FOXP2: variants seen among roughly 807,000 people sequenced by gnomAD.
FOXP2 encodes forkhead box protein P2.
FOXP2 carries 12 observed loss-of-function variants against 115.8 expected under a neutral mutation model. That is an observed-to-expected ratio of 0.10 (90% CI 0.07 to 0.17). The LOEUF is 0.17. FOXP2 is among the 10% of genes least tolerant of loss of function. The pLI, the probability that FOXP2 is intolerant of heterozygous loss-of-function variation, is 1.00. For missense variants in FOXP2, 629 were observed against 843.5 expected (o/e 0.75, Z 3.15); for synonymous variants, 328 against 297.7 (o/e 1.10, Z -1.05).
intron 1 of FOXP2, among the ~76,000 whole-genome samples, chr7:114,278,360 A>C (rs1705971880): frequency 6.6e-6 from 1 of 151,578 alleles, no homozygotes; most frequent in South Asian, 2.1e-4. Flanking sequence ...GTGTTGTTTT[A>C]CTTTTTTTTT....
chr7:114,231,851 G>A (rs573867595), intron 1 of FOXP2, among the ~76,000 whole-genome samples: 1 of 152,188 alleles, frequency 6.6e-6, no homozygotes, highest in African/African-American at 2.4e-5. Flanking sequence ...GGCAACAAAA[G>A]CACACATAGA....
chr7:114,302,917 C>A (rs940482881), intron 2 of FOXP2, among the ~76,000 whole-genome samples: 3 of 152,004 alleles, frequency 2.0e-5, no homozygotes, highest in Non-Finnish European at 4.4e-5. Flanking sequence ...TCCTACAAAT[C>A]CAGGAATGAA....
At position 114,525,699 on chromosome 7, in the gene FOXP2, A is replaced by G. The variant is rs114021532; in HGVS notation, c.169-8918A>G. On this transcript the variant is annotated intron_variant, in intron 2 of 16. Transcript: ENST00000350908. ...TTTCCTACCTCTGCATGTCAAAGTC[A>G]CCTGTCCTCCCATCTCTTCAGCCTG... 3.4e-3 allele frequency among the ~76,000 whole-genome samples: 510 copies of G among 152,146 alleles called. 1 individual carries two copies. The highest frequency in any genetic ancestry group is 0.012 in the African/African-American group (483 of 41,498).
chr7:114,336,578 C>A (rs749983316), intron 2 of FOXP2, among the ~76,000 whole-genome samples: 2 of 151,406 alleles, frequency 1.3e-5, no homozygotes, highest in African/African-American at 2.4e-5. Flanking sequence ...ATTTCTTGCA[C>A]CCTAGTTTCA....
At chr7:114,554,587 TTTAAG>T (rs1227154368) in intron 3 of FOXP2, among the ~76,000 whole-genome samples, 1 of 152,146 alleles carries the variant, frequency 6.6e-6, no homozygotes, top group African/African-American at 2.4e-5. Context: ...TTTTTGAAAA[TTTAAG>T]TTGATTCTGG....
At chr7:114,476,475 C>G (rs1013768177) in intron 2 of FOXP2, among the ~76,000 whole-genome samples, 2 of 151,934 alleles carry the variant, frequency 1.3e-5, no homozygotes, top group Admixed American at 6.6e-5. Flanking sequence ...TTCTATTGTT[C>G]TACGTGTCTG....
intron 1 of FOXP2, among the ~76,000 whole-genome samples, chr7:114,250,919 T>C (rs1037735807): frequency 1.3e-5 from 2 of 152,344 alleles, no homozygotes; most frequent in Admixed American, 6.5e-5. Flanking sequence ...TCTAGGGTTT[T>C]TATGGTTTTA....
intron 3 of FOXP2, among the ~76,000 whole-genome samples, chr7:114,614,570 G>A (rs768190482): frequency 1.3e-5 from 2 of 151,886 alleles, no homozygotes; most frequent in Non-Finnish European, 2.9e-5. Context: ...TAGGTGGACC[G>A]CACCTCCTTC....
intron 2 of FOXP2, among the ~76,000 whole-genome samples, chr7:114,399,584 A>G (rs1305163643): frequency 6.6e-6 from 1 of 152,148 alleles, no homozygotes; most frequent in African/African-American, 2.4e-5. Flanking sequence ...TTGAATGTTA[A>G]TTATGTGCTT....
intron 2 of FOXP2, among the ~76,000 whole-genome samples, chr7:114,379,737 T>C (rs888839770): frequency 1.3e-5 from 2 of 152,098 alleles, no homozygotes; most frequent in African/African-American, 4.8e-5. Context: ...GTGTAGGGGA[T>C]TATTTCTTTG....
intron 2 of FOXP2, among the ~76,000 whole-genome samples, chr7:114,364,887 A>C (rs1210085492): frequency 6.6e-6 from 1 of 152,144 alleles, no homozygotes; most frequent in East Asian, 1.9e-4. Context: ...TTTGGGTAAA[A>C]GAGTAAATTT....
At chr7:114,658,500 A>C (rs1269694080) in intron 11 of FOXP2, among the ~76,000 whole-genome samples, 3 of 152,180 alleles carry the variant, frequency 2.0e-5, no homozygotes, top group Non-Finnish European at 4.4e-5. Context: ...AGACACTGAG[A>C]GATGTCAGGA....
chr7:114,394,091 A>T (rs890593183), intron 2 of FOXP2, among the ~76,000 whole-genome samples: 1 of 151,934 alleles, frequency 6.6e-6, no homozygotes, highest in African/African-American at 2.4e-5. Context: ...CAATTAGCAC[A>T]CCTAGGACCC....
intron 1 of FOXP2, among the ~76,000 whole-genome samples, chr7:114,127,807 G>T (rs1280984441): frequency 1.3e-5 from 2 of 152,128 alleles, no homozygotes; most frequent in African/African-American, 4.8e-5. Flanking sequence ...TAAAGTCACA[G>T]CTTCTTCCAC....
upstream of FOXP2, among the ~76,000 whole-genome samples, chr7:114,414,081 C>T (rs1297429248): frequency 2.0e-5 from 3 of 152,048 alleles, no homozygotes; most frequent in African/African-American, 7.2e-5. Context: ...TGCAAATAAA[C>T]CTTTGATTTA....
At chr7:114,586,992 C>T (rs988622984) in intron 3 of FOXP2, among the ~76,000 whole-genome samples, 5 of 151,830 alleles carry the variant, frequency 3.3e-5, no homozygotes, top group African/African-American at 1.2e-4. Flanking sequence ...GCCAAATTAA[C>T]CAATACTATT....
intron 1 of FOXP2, among the ~76,000 whole-genome samples, chr7:114,142,270 C>A (rs1792238409): frequency 6.6e-6 from 1 of 152,174 alleles, no homozygotes; most frequent in Admixed American, 6.5e-5. Flanking sequence ...GATCCACCCG[C>A]CTTGGCCTCC....
upstream of FOXP2, among the ~76,000 whole-genome samples, chr7:114,413,069 TA>T (rs1793204338): frequency 6.6e-6 from 1 of 152,154 alleles, no homozygotes; most frequent in Non-Finnish European, 1.5e-5. Context: ...TCTAGGTTGA[TA>T]AGGCACTATT....
chr7:114,127,814 C>T (rs1370500590), intron 1 of FOXP2, among the ~76,000 whole-genome samples: 1 of 152,182 alleles, frequency 6.6e-6, no homozygotes, highest in African/African-American at 2.4e-5. Flanking sequence ...ACAGCTTCTT[C>T]CACTTTTCCT....
Sources: gnomAD v4.1 joint callset for allele counts (sites outside exome capture counted in the v4.1 genomes callset) on GRCh38, gnomAD v4.1.1 for gene constraint, MANE v1.5 for transcripts, NCBI Gene and HGNC (gene_info 2026-07-23, HGNC 2026-07-21) for gene names.